Variants in OSMR observed in about 807,000 individuals in gnomAD.
OSMR encodes the protein oncostatin-M-specific receptor subunit beta.
OSMR carries 81 observed loss-of-function variants against 99.9 expected under a neutral mutation model. The ratio of observed to expected loss-of-function variants is 0.81; its 90% CI spans 0.68 to 0.97. The LOEUF (loss-of-function observed/expected upper bound fraction) is 0.97. OSMR is among the 50% of genes least tolerant of loss of function. OSMR has a pLI of 0.00. For synonymous variants in OSMR, 406 were observed against 410.4 expected (o/e 0.99, Z 0.13); for missense variants, 1,099 against 1,153.4 (o/e 0.95, Z 0.68).
In OSMR at chr5:38,933,408, A is replaced by G. The variant is rs751310314; in HGVS notation, c.2904A>G (p.Ser968=). 1 of 1,613,922 alleles carries G rather than the reference A, an allele frequency of 6.2e-7. No homozygotes were observed. The highest frequency in any genetic ancestry group is 8.5e-7 in the Non-Finnish European group (1 of 1,179,914). ...PPPTENSSLS[S]ITLLDPGEHY... Reference sequence around the variant, plus strand: ...CGACCGAGAATAGCAGCCTCTCCTCAATTACCCTTTTAGATCCAGGTGAAC... The same window carrying G: ...CGACCGAGAATAGCAGCCTCTCCTCGATTACCCTTTTAGATCCAGGTGAAC... Residue 968 remains serine, a synonymous_variant, in exon 18 of 18, where the codon TCA becomes TCG. Transcript: ENST00000274276.
chr5:38,880,251 G>A (rs1442004797), intron 3 of OSMR, among the ~76,000 whole-genome samples: 1 of 152,176 alleles, frequency 6.6e-6, no homozygotes, highest in Non-Finnish European at 1.5e-5. Context: ...TGTGTGACAT[G>A]TGACTTGTCC....
chr5:38,877,797 T>C (rs1206220479), intron 3 of OSMR, among the ~76,000 whole-genome samples: 1 of 152,210 alleles, frequency 6.6e-6, no homozygotes, highest in Non-Finnish European at 1.5e-5. Flanking sequence ...ATATCTATTA[T>C]TATGTTACAA....
intron 9 of OSMR, 189 bp from the exon 10 acceptor site, chr5:38,917,357 G>A: frequency 1.1e-6 from 1 of 924,624 alleles, no homozygotes; most frequent in Non-Finnish European, 1.3e-6. Context: ...ACTGTACTGT[G>A]TGCACCTAGT....
intron 2 of OSMR, among the ~76,000 whole-genome samples, chr5:38,869,910 T>A (rs1039206096): frequency 6.6e-6 from 1 of 152,188 alleles, no homozygotes; most frequent in Non-Finnish European, 1.5e-5. Context: ...TAAATGAGAG[T>A]ACAGGTGTTT....
intron 1 of OSMR, among the ~76,000 whole-genome samples, chr5:38,864,978 C>T (rs752975447): frequency 5.9e-5 from 9 of 152,108 alleles, no homozygotes; most frequent in Non-Finnish European, 1.0e-4. Context: ...CTCTGTCTGT[C>T]GCTTTTATGA....
intron 9 of OSMR, among the ~76,000 whole-genome samples, chr5:38,905,098 A>G (rs191901862): frequency 6.6e-6 from 1 of 152,144 alleles, no homozygotes; most frequent in African/African-American, 2.4e-5. Context: ...CTCCAACTCA[A>G]TGTCATAAAG....
chr5:38,859,915 T>C (rs541647502), intron 1 of OSMR, among the ~76,000 whole-genome samples: 118 of 152,318 alleles, frequency 7.7e-4, no homozygotes, highest in African/African-American at 2.6e-3. Flanking sequence ...CTACTAGTTT[T>C]TCTATGTTGA....
At chr5:38,926,981 C>A (rs180734111) in intron 15 of OSMR, among the ~76,000 whole-genome samples, 1 of 152,204 alleles carries the variant, frequency 6.6e-6, no homozygotes, top group East Asian at 1.9e-4. Context: ...AACAAAGGAG[C>A]TGCAGGCCCC....
intron 7 of OSMR, among the ~76,000 whole-genome samples, chr5:38,901,226 A>G (rs1363440856): frequency 1.3e-5 from 2 of 152,228 alleles, no homozygotes; most frequent in Non-Finnish European, 2.9e-5. Flanking sequence ...ATCTGCTTTT[A>G]GTTTGGCAGA....
At chr5:38,893,616 C>T (rs1744300343) in intron 7 of OSMR, among the ~76,000 whole-genome samples, 1 of 152,086 alleles carries the variant, frequency 6.6e-6, no homozygotes. Context: ...CAAACCTAGT[C>T]AGACAAAAGT....
In OSMR at chr5:38,933,543, G is replaced by A. The variant is rs1051977; in HGVS notation, c.*99G>A. On this transcript the variant is annotated 3_prime_UTR_variant, in exon 18 of 18. Coordinates refer to ENST00000274276, the MANE Select transcript of OSMR (RefSeq NM_003999.3). ...TGGCCTTGGTCCTTAATCCCAGTAC[G>A]ATTTGCAGGTCTGGTTTATATAAGA... 0.071 allele frequency: 94,925 copies of A among 1,338,166 alleles called. 3,894 individuals carry two copies. Among genetic ancestry groups the A allele is most frequent in the Middle Eastern group, 0.12 (645 of 5,562 alleles). 82.9% of individuals were successfully genotyped at this position (1,338,166 alleles called of 1,614,324 possible). A position where few individuals can be genotyped will look rare whatever the true frequency, so the allele number is the denominator to read the frequency against.
In OSMR at chr5:38,883,978, A is replaced by G. The variant is rs1346331869; in HGVS notation, c.570A>G (p.Gln190=). The change falls in exon 5 of 18, where the codon CAA becomes CAG. Residue 190 remains glutamine, a synonymous_variant. Coordinates refer to ENST00000274276, the MANE Select transcript of OSMR (RefSeq NM_003999.3). ...YLEGKQIHGE[Q]LDPHVTAFNL... ...AAGGGAAACAGATTCATGGAGAACA[A>G]CTTGATCCACATGTAACTGCATTCA... is the stretch of plus-strand genomic sequence containing the variant. The G allele has an allele frequency of 6.2e-7, 1 of 1,613,820 alleles. No homozygotes were observed. Among genetic ancestry groups the G allele is most frequent in the Non-Finnish European group, 8.5e-7 (1 of 1,179,670 alleles).
intron 5 of OSMR, 108 bp downstream of exon 5, chr5:38,884,219 C>A: frequency 1.0e-6 from 1 of 966,042 alleles, no homozygotes; most frequent in Non-Finnish European, 1.7e-6. Flanking sequence ...TCTTGATTTT[C>A]TTTTGTTTCC....
At chr5:38,876,535 A>G (rs1485713532) in intron 3 of OSMR, among the ~76,000 whole-genome samples, 162 bp downstream of exon 3, 3 of 152,224 alleles carry the variant, frequency 2.0e-5, no homozygotes, top group Non-Finnish European at 4.4e-5. Flanking sequence ...TTAATGATCC[A>G]GGACAAAGTA....
At chr5:38,916,232 C>A (rs1177165557) in intron 9 of OSMR, among the ~76,000 whole-genome samples, 1 of 152,110 alleles carries the variant, frequency 6.6e-6, no homozygotes. Flanking sequence ...AAATAAATTG[C>A]AATGATTTCA....
At chr5:38,945,269 T>C, downstream of OSMR, 1 of 610,682 alleles carries the variant, frequency 1.6e-6, no homozygotes, top group Non-Finnish European at 2.9e-6. Context: ...CTGTTCACAG[T>C]GGAAAAGACC....
intron 1 of OSMR, among the ~76,000 whole-genome samples, chr5:38,863,029 C>T (rs937847547): frequency 9.9e-5 from 15 of 151,894 alleles, no homozygotes; most frequent in African/African-American, 2.9e-4. Flanking sequence ...TCAGGCGTGG[C>T]GGCGTGCGCC....
chr5:38,905,889 C>G (rs1338034875), intron 9 of OSMR, among the ~76,000 whole-genome samples: 1 of 152,140 alleles, frequency 6.6e-6, no homozygotes, highest in African/African-American at 2.4e-5. Flanking sequence ...CTGTCTGATT[C>G]TGGGAGGACC....
chr5:38,886,221 G>A (rs747091438), intron 7 of OSMR, 31 bp downstream of exon 7: 1 of 1,613,962 alleles, frequency 6.2e-7, no homozygotes, highest in Non-Finnish European at 8.5e-7. Context: ...GCCCACCGTG[G>A]CCACTAACGT....
Sources: gnomAD v4.1 joint callset for allele counts (sites outside exome capture counted in the v4.1 genomes callset) on GRCh38, gnomAD v4.1.1 for gene constraint, MANE v1.5 for transcripts, NCBI Gene and HGNC (gene_info 2026-07-23, HGNC 2026-07-21) for gene names.